ANTXR1: variants seen among roughly 807,000 people sequenced by gnomAD.
ANTXR1 encodes the protein anthrax toxin receptor 1.
A neutral mutation model predicts 78.1 loss-of-function variants in ANTXR1; 19 were observed. The observed-to-expected ratio is 0.24, with a 90% confidence interval of 0.17 to 0.36. The LOEUF (loss-of-function observed/expected upper bound fraction) is 0.36. Among genes scored for constraint, ANTXR1 ranks in the 10% least tolerant of loss-of-function variants. The probability of loss-of-function intolerance (pLI) is 1.00; values close to 1 mark genes in which losing one functional copy is unlikely to be tolerated. For synonymous variants in ANTXR1, 273 were observed against 260.5 expected (o/e 1.05, Z -0.46); for missense variants, 518 against 718.6 (o/e 0.72, Z 3.19).
chr2:69,160,490 G>A (rs966771608), intron 13 of ANTXR1, among the ~76,000 whole-genome samples: 5 of 152,094 alleles, frequency 3.3e-5, no homozygotes, highest in African/African-American at 1.2e-4. Context: ...TACCTTCTTT[G>A]AGTGAATCTG....
intron 3 of ANTXR1, among the ~76,000 whole-genome samples, chr2:69,052,125 T>C (rs1398034650): frequency 6.6e-6 from 1 of 152,132 alleles, no homozygotes; most frequent in Non-Finnish European, 1.5e-5. Flanking sequence ...AATATTTGCA[T>C]TGTATTTTAG....
intron 12 of ANTXR1, chr2:69,135,126 C>T (rs1364217561): frequency 2.7e-6 from 1 of 371,428 alleles, no homozygotes; most frequent in Non-Finnish European, 5.7e-6. Context: ...TCTATTTTGA[C>T]AACCCTTGTA....
rs756404680 is a variant in ANTXR1, at chr2:69,077,444, C to A, written c.598C>A (p.Pro200Thr). 6.2e-7 allele frequency: 1 copy of A among 1,614,134 alleles called. No homozygotes were observed. Among genetic ancestry groups the A allele is most frequent in the South Asian group, 1.1e-5 (1 of 91,068 alleles). ...TGCGGACAGTAAGGATCATGTGTTTCCCGTGAATGACGGCTTTCAGGCTCT... is the reference window on the plus strand; with the variant it reads ...TGCGGACAGTAAGGATCATGTGTTTACCGTGAATGACGGCTTTCAGGCTCT... ...RIADSKDHVFPVNDGFQALQG... is the reference protein window; with the variant it reads ...RIADSKDHVFTVNDGFQALQG... Residue 200 changes from proline to threonine, a missense_variant, in exon 8 of 18, where the codon CCC becomes ACC. Coordinates refer to ENST00000303714, the MANE Select transcript of ANTXR1 (RefSeq NM_032208.3).
At chr2:69,212,156 G>A (rs1675057159) in intron 17 of ANTXR1, among the ~76,000 whole-genome samples, 1 of 151,850 alleles carries the variant, frequency 6.6e-6, no homozygotes, top group Non-Finnish European at 1.5e-5. Context: ...CTTTATTAAA[G>A]AAGAAGAAAA....
chr2:69,193,198 A>T (rs1674580823), intron 16 of ANTXR1, 137 bp from the exon 17 acceptor site: 1 of 751,998 alleles, frequency 1.3e-6, no homozygotes, highest in Non-Finnish European at 2.4e-6. Context: ...CTGCAGAGTC[A>T]CTAATCCCAT....
intron 3 of ANTXR1, among the ~76,000 whole-genome samples, chr2:69,069,941 C>A (rs1670516370): frequency 6.6e-6 from 1 of 152,160 alleles, no homozygotes; most frequent in African/African-American, 2.4e-5. Context: ...CTTTTTGGCA[C>A]AATATGGAGC....
In ANTXR1 at chr2:69,130,076, G is replaced by T. The variant is rs191105681; in HGVS notation, c.951+5433G>T. 3.6e-4 allele frequency among the ~76,000 whole-genome samples: 55 copies of T among 152,160 alleles called. No homozygotes were observed. The East Asian group carries it at 0.011, about 29-fold the overall frequency. On this transcript the variant is annotated intron_variant, in intron 12 of 17. Transcript: ENST00000303714. ...TCCATTTCTGGGGCCTTTCAATTTG[G>T]GGACATTTCTCAAGTTGGCAACTAT...
chr2:69,138,592 A>G (rs1282209826), intron 12 of ANTXR1, among the ~76,000 whole-genome samples: 1 of 152,192 alleles, frequency 6.6e-6, no homozygotes, highest in Non-Finnish European at 1.5e-5. Flanking sequence ...TTAAGGCACC[A>G]AGGAAATGCG....
chr2:69,132,996 G>A (rs1672799893), intron 12 of ANTXR1, among the ~76,000 whole-genome samples: 1 of 152,164 alleles, frequency 6.6e-6, no homozygotes, highest in South Asian at 2.1e-4. Flanking sequence ...CTGTTCCAAA[G>A]ACTCGTGAAC....
intron 14 of ANTXR1, among the ~76,000 whole-genome samples, chr2:69,173,066 C>T (rs187488356): frequency 1.1e-3 from 175 of 152,226 alleles, no homozygotes; most frequent in Middle Eastern, 6.8e-3. Context: ...CAGCCTCATT[C>T]GCCTGCAAAA....
chr2:69,086,343 A>G (rs1381501595), intron 8 of ANTXR1, among the ~76,000 whole-genome samples: 3 of 152,240 alleles, frequency 2.0e-5, no homozygotes, highest in African/African-American at 7.2e-5. Context: ...AAACTCTTCT[A>G]TACAACCCGG....
intron 17 of ANTXR1, among the ~76,000 whole-genome samples, chr2:69,242,510 A>G (rs1216910213): frequency 6.6e-6 from 1 of 152,232 alleles, no homozygotes; most frequent in African/African-American, 2.4e-5. Context: ...GAATAAGTAC[A>G]TGAGCTTCCG....
chr2:69,128,099 C>A (rs1672606774), intron 12 of ANTXR1, among the ~76,000 whole-genome samples: 1 of 152,080 alleles, frequency 6.6e-6, no homozygotes, highest in Non-Finnish European at 1.5e-5. Context: ...TGGCACATGC[C>A]TGTAGTCCCA....
At chr2:69,145,227 G>C in intron 12 of ANTXR1, 1 of 1,249,156 alleles carries the variant, frequency 8.0e-7, no homozygotes, top group Non-Finnish European at 1.1e-6. Context: ...TTAAACTTTA[G>C]GGACCCTCAC....
chr2:69,127,645 G>A (rs1162981892), intron 12 of ANTXR1, among the ~76,000 whole-genome samples: 2 of 152,146 alleles, frequency 1.3e-5, no homozygotes, highest in Non-Finnish European at 2.9e-5. Context: ...CAGGCAAAAG[G>A]TGATGATGGG....
intron 16 of ANTXR1, among the ~76,000 whole-genome samples, chr2:69,183,574 GT>G (rs55898655): frequency 0.087 from 9,556 of 109,304 alleles, 578 homozygotes; most frequent in African/African-American, 0.16. Flanking sequence ...GCTAATTTTT[GT>G]TTTTTTTTTT....
intron 14 of ANTXR1, among the ~76,000 whole-genome samples, chr2:69,178,661 T>C (rs2104459261): frequency 6.6e-6 from 1 of 152,254 alleles, no homozygotes; most frequent in Non-Finnish European, 1.5e-5. Flanking sequence ...TTCATGCATC[T>C]TACTATATCC....
At chr2:69,068,949 G>A (rs1408906365) in intron 3 of ANTXR1, among the ~76,000 whole-genome samples, 5 of 152,180 alleles carry the variant, frequency 3.3e-5, no homozygotes, top group Admixed American at 3.3e-4. Flanking sequence ...CAAGTTAGTG[G>A]ATCAAGGAGG....
chr2:69,118,790 C>T (rs1056936590), intron 10 of ANTXR1, among the ~76,000 whole-genome samples: 1 of 152,196 alleles, frequency 6.6e-6, no homozygotes, highest in African/African-American at 2.4e-5. Context: ...AATGGAGTTC[C>T]AGGAAGGAGT....
Sources: gnomAD v4.1 joint callset for allele counts (sites outside exome capture counted in the v4.1 genomes callset) on GRCh38, gnomAD v4.1.1 for gene constraint, MANE v1.5 for transcripts, NCBI Gene and HGNC (gene_info 2026-07-23, HGNC 2026-07-21) for gene names.